MAP1S: variants seen among roughly 807,000 people sequenced by gnomAD.
MAP1S encodes the protein microtubule-associated protein 1S.
In MAP1S, 27 loss-of-function variants were observed where a neutral mutation model predicts 60.9. The ratio of observed to expected loss-of-function variants is 0.44; its 90% CI spans 0.33 to 0.61. The LOEUF (loss-of-function observed/expected upper bound fraction) is 0.61, where lower values mean the gene tolerates loss of function less well. MAP1S is among the 20% of genes least tolerant of loss of function. MAP1S has a pLI of 0.03. For synonymous variants in MAP1S, 826 were observed against 694.2 expected (o/e 1.19, Z -2.98); for missense variants, 1,608 against 1,486.6 (o/e 1.08, Z -1.34).
At chr19:17,720,520 G>A in intron 1 of MAP1S, 1 of 1,490,916 alleles carries the variant, frequency 6.7e-7, no homozygotes, top group Non-Finnish European at 8.9e-7. Context: ...AGGCTGCAAG[G>A]GACTGAGAGG....
At chr19:17,730,563 G>A (rs1015496993) in intron 5 of MAP1S, among the ~76,000 whole-genome samples, 5 of 152,270 alleles carry the variant, frequency 3.3e-5, no homozygotes, top group African/African-American at 4.8e-5. Context: ...CGATTCTCTC[G>A]CCTTGGCCTC....
In MAP1S at chr19:17,726,696, C is replaced by G. The variant is rs754355639; in HGVS notation, c.1312C>G (p.Pro438Ala). ...VRVLFPGCTP[P>A]ACLLDGLVRL... Reference sequence around the variant, plus strand: ...CGTGCTGTTCCCCGGTTGCACCCCGCCCGCCTGCCTCCTGGACGGCCTGGT... The same window carrying G: ...CGTGCTGTTCCCCGGTTGCACCCCGGCCGCCTGCCTCCTGGACGGCCTGGT... The change falls in exon 5 of 7, where the codon CCC becomes GCC. Residue 438 changes from proline (P) to alanine (A), a missense_variant. By Grantham distance (27) the Pro-to-Ala change is conservative. This residue lies in a region of MAP1S where 1,167 missense variants were observed against 961.4 expected (regional missense o/e 1.21). Transcript: ENST00000324096. 5 of 1,588,818 alleles carry G rather than the reference C, an allele frequency of 3.1e-6. No homozygotes were observed. The African/African-American group carries it at 6.7e-5, about 21-fold the overall frequency.
In MAP1S at chr19:17,725,840, C is replaced by T; in HGVS notation, c.456C>T (p.Ile152=). ...CCTCCTCCATACAGATCCGGGACAT[C>T]CTGGCCACCACGCCCCCACCTGTGC... ...QVLKDREIRD[I]LATTPPPVQP... Residue 152 remains isoleucine (I), a synonymous_variant, in exon 5 of 7, where the codon ATC becomes ATT. Coordinates refer to ENST00000324096, the MANE Select transcript of MAP1S (RefSeq NM_018174.6). This position sits in a 1 kb window ranked among gnomAD's most constrained non-coding sequence, Gnocchi z 4.2. 6.2e-7 allele frequency: 1 copy of T among 1,611,388 alleles called. No homozygotes were observed. Among genetic ancestry groups the T allele is most frequent in the Admixed American group, 1.7e-5 (1 of 59,640 alleles).
At chr19:17,729,302 A>G (rs564801719) in intron 5 of MAP1S, among the ~76,000 whole-genome samples, 1 of 152,240 alleles carries the variant, frequency 6.6e-6, no homozygotes, top group Admixed American at 6.5e-5. Context: ...GGGCCATTAC[A>G]TAGGCATCTT....
chr19:17,724,407 G>A (rs2080399079), intron 3 of MAP1S, among the ~76,000 whole-genome samples, 199 bp downstream of exon 3: 1 of 152,146 alleles, frequency 6.6e-6, no homozygotes, highest in Non-Finnish European at 1.5e-5. Context: ...AGAAAAGCCT[G>A]GACTTTGGGA....
Position 17,726,609 on chromosome 19 carries a change from C to G in MAP1S, c.1225C>G (p.Leu409Val). 1 of 1,571,370 alleles carries G rather than the reference C, an allele frequency of 6.4e-7. No homozygotes were observed. The highest frequency in any genetic ancestry group is 8.6e-7 in the Non-Finnish European group (1 of 1,163,112). The change falls in exon 5 of 7, where the codon CTG becomes GTG. Residue 409 changes from leucine to valine, a missense_variant. Physicochemically the swap from Leu to Val is conservative, Grantham distance 32 (BLOSUM62 1). Transcript: ENST00000324096. ...HPPSAGAERT[L>V]ASVCALLVWH... ...GCCCTCCGCCGGCGCCGAGCGCACG[C>G]TGGCCTCTGTGTGCGCCCTGCTGGT...
intron 1 of MAP1S, chr19:17,720,416 G>C: frequency 6.5e-7 from 1 of 1,535,254 alleles, no homozygotes; most frequent in Non-Finnish European, 8.7e-7. Flanking sequence ...GACAGGTTCA[G>C]CCCTGCCAAC....
In MAP1S at chr19:17,719,672, C is replaced by T. The variant is rs1165260372; in HGVS notation, c.118+52C>T. The T allele has an allele frequency of 1.1e-5, 11 of 1,039,356 alleles. No individual in the cohort carries two copies. In the African/African-American group the frequency reaches 1.7e-4, roughly 16 times the overall value. The allele number at this position is 1,039,356 out of a possible 1,614,324, so 64.4% of individuals were successfully genotyped here. On this transcript the variant is annotated intron_variant, in intron 1 of 6. Coordinates refer to ENST00000324096, the MANE Select transcript of MAP1S (RefSeq NM_018174.6). Reference sequence around the variant, plus strand: ...AGCCCGGGAGGCGGGCCCGTTCGCGCGTCTGGGCCCGGGGCCGGCGGGGTG... The same window carrying T: ...AGCCCGGGAGGCGGGCCCGTTCGCGTGTCTGGGCCCGGGGCCGGCGGGGTG...
chr19:17,725,890 GC>G lies in MAP1S; in HGVS notation c.510del (p.Thr171ProfsTer25). The G allele has an allele frequency of 6.2e-7, 1 of 1,613,674 alleles. No individual in the cohort carries two copies. Among genetic ancestry groups the G allele is most frequent in the Non-Finnish European group, 8.5e-7 (1 of 1,179,978 alleles). ...PVQPPILTIT[C>X]PTFGDWAQLA... ...CAGCCGCCCATACTCACCATCACCT[GC>G]CCCACCTTCGGTGACTGGGCTCAGC... On this transcript the variant is annotated frameshift_variant, in exon 5 of 7. Transcript: ENST00000324096. LOFTEE classifies it high-confidence loss of function. This position sits in a 1 kb window ranked among gnomAD's most constrained non-coding sequence, Gnocchi z 4.2.
At chr19:17,719,853 G>A (rs2080354950) in intron 1 of MAP1S, 1 of 161,554 alleles carries the variant, frequency 6.2e-6, no homozygotes, top group Non-Finnish European at 1.3e-5. Flanking sequence ...GGGCTGGGCA[G>A]GGCTGCCCCG....
intron 6 of MAP1S, 85 bp downstream of exon 6, chr19:17,733,513 T>C (rs2145982745): frequency 8.3e-7 from 1 of 1,208,348 alleles, no homozygotes; most frequent in Non-Finnish European, 1.1e-6. Context: ...GACTAAGCTG[T>C]GTTCCCCAGG....
intron 5 of MAP1S, chr19:17,732,948 A>G (rs1000031049): frequency 1.9e-6 from 1 of 515,272 alleles, no homozygotes. Flanking sequence ...TCTACTTGGA[A>G]GGCTGAGGCA....
chr19:17,725,806 C>A lies in MAP1S; in HGVS notation c.445-23C>A. 6.3e-7 allele frequency: 1 copy of A among 1,597,848 alleles called. No individual in the cohort carries two copies. On this transcript the variant is annotated intron_variant, in intron 4 of 6. Transcript: ENST00000324096. This position sits in a 1 kb window ranked among gnomAD's most constrained non-coding sequence, Gnocchi z 4.2. The stretch of plus-strand genomic sequence containing the variant: ...GGTGTTGCCTGGCTCTAGGTGGTCC[C>A]TTACCACTCCTCCTCCATACAGATC...
intron 6 of MAP1S, among the ~76,000 whole-genome samples, chr19:17,733,665 A>C (rs975459981): frequency 6.6e-6 from 1 of 152,162 alleles, no homozygotes; most frequent in Non-Finnish European, 1.5e-5. Flanking sequence ...GTGAAGCCTC[A>C]TGGTTCTATC....
In MAP1S at chr19:17,726,576, C is replaced by G; in HGVS notation, c.1192C>G (p.Leu398Val). The part of the protein sequence containing the change: ...MGVGRLDMYV[L>V]HPPSAGAERT... ...CGTGGGCCGGCTGGACATGTATGTG[C>G]TGCACCCGCCCTCCGCCGGCGCCGA... Residue 398 changes from leucine to valine, a missense_variant, in exon 5 of 7, where the codon CTG (leucine) becomes GTG (valine). Around this residue, in one of 4 missense-constraint regions of MAP1S, gnomAD observed 1,167 missense variants for 961.4 expected, o/e 1.21. Coordinates refer to ENST00000324096, the MANE Select transcript of MAP1S (RefSeq NM_018174.6). 1.3e-6 allele frequency: 2 copies of G among 1,574,958 alleles called. No individual in the cohort carries two copies. The highest frequency in any genetic ancestry group is 1.7e-6 in the Non-Finnish European group (2 of 1,165,812).
Position 17,719,513 on chromosome 19 carries a change from TGGCTGGATCTGG to T in MAP1S, c.17_28del (p.Gly6_Ala9del). Reference sequence around the variant, plus strand: ...CGGGGCGGCCCGAAGATGGCGGCGGTGGCTGGATCTGGGGCTGCCGCGGCTCCGAGCTCACTG... The same window carrying T: ...CGGGGCGGCCCGAAGATGGCGGCGGTGGCTGCCGCGGCTCCGAGCTCACTG... On this transcript the variant is annotated inframe_deletion, in exon 1 of 7. Transcript: ENST00000324096. The T allele has an allele frequency of 8.0e-7, 1 of 1,243,318 alleles. No homozygotes were observed. The highest frequency in any genetic ancestry group is 1.0e-6 in the Non-Finnish European group (1 of 987,130). 77.0% of individuals were successfully genotyped at this position (1,243,318 alleles called of 1,614,324 possible).
chr19:17,730,895 CT>C (rs779442592), intron 5 of MAP1S, among the ~76,000 whole-genome samples: 132 of 134,672 alleles, frequency 9.8e-4, no homozygotes, highest in Non-Finnish European at 1.2e-3. Context: ...TTTTCTTTTT[CT>C]TTTTTTTTTT....
chr19:17,730,736 T>C (rs969410643), intron 5 of MAP1S, among the ~76,000 whole-genome samples: 3 of 152,190 alleles, frequency 2.0e-5, no homozygotes, highest in Non-Finnish European at 4.4e-5. Context: ...TCCCATTCTG[T>C]GAGCTGCCTT....
At chr19:17,728,330 G>A (rs78680205) in intron 5 of MAP1S, among the ~76,000 whole-genome samples, 158 bp downstream of exon 5, 5 of 152,150 alleles carry the variant, frequency 3.3e-5, no homozygotes, top group Non-Finnish European at 4.4e-5. Context: ...GCTCATTGCA[G>A]CCTTGAACAA....
Sources: allele counts gnomAD v4.1 joint callset (sites outside exome capture counted in the v4.1 genomes callset), GRCh38; gene constraint gnomAD v4.1.1; regional missense constraint gnomAD v4.1.1; non-coding constraint Gnocchi (gnomAD v3.1); transcripts MANE v1.5; gene names NCBI Gene and HGNC (gene_info 2026-07-23, HGNC 2026-07-21).